SLC23A1: variants seen among roughly 807,000 people sequenced by gnomAD.
SLC23A1 encodes the protein solute carrier family 23 member 1.
In SLC23A1, 31 loss-of-function variants were observed where a neutral mutation model predicts 62.5. The ratio of observed to expected loss-of-function variants is 0.50; its 90% CI spans 0.37 to 0.67. SLC23A1 has a LOEUF of 0.67. SLC23A1 is among the 30% of genes least tolerant of loss of function. The pLI, the probability that SLC23A1 is intolerant of heterozygous loss-of-function variation, is 0.00. For synonymous variants in SLC23A1, 271 were observed against 313.2 expected (o/e 0.87, Z 1.42); for missense variants, 640 against 782.7 (o/e 0.82, Z 2.18).
At chr5:139,382,131 T>C in intron 2 of SLC23A1, 82 bp from the exon 3 acceptor site, 1 of 1,389,516 alleles carries the variant, frequency 7.2e-7, no homozygotes, top group Non-Finnish European at 9.8e-7. Flanking sequence ...TCCTCATGCC[T>C]GCCTCAGCGG....
intron 12 of SLC23A1, 123 bp downstream of exon 12, chr5:139,377,852 T>G (rs1758019387): frequency 1.1e-6 from 1 of 920,644 alleles, no homozygotes; most frequent in Non-Finnish European, 1.6e-6. Context: ...TCTCAGCTGC[T>G]GGTTGACACC....
upstream of SLC23A1, chr5:139,384,441 C>A (rs1322295992): frequency 3.1e-6 from 4 of 1,289,816 alleles, no homozygotes; most frequent in Non-Finnish European, 3.0e-6. Flanking sequence ...CAGCTTCATG[C>A]CACAGCACTG....
At chr5:139,382,444 C>G (rs1758318132) in intron 2 of SLC23A1, 48 bp downstream of exon 2, 1 of 1,111,078 alleles carries the variant, frequency 9.0e-7, no homozygotes, top group Non-Finnish European at 1.4e-6. Context: ...GGGCTGGAGT[C>G]CCCGGGGAGT....
At chr5:139,369,461 A>G (rs1170696131) in intron 14 of SLC23A1, 1 of 151,082 alleles carries the variant, frequency 6.6e-6, no homozygotes, top group Non-Finnish European at 1.5e-5. Flanking sequence ...CATATGACCA[A>G]TACCAACCCA....
chr5:139,380,751 T>C, intron 4 of SLC23A1, 47 bp downstream of exon 4: 1 of 1,480,282 alleles, frequency 6.8e-7, no homozygotes, highest in Non-Finnish European at 9.4e-7. Context: ...CCTCCAGGTC[T>C]CTGGGCCTCC....
At chr5:139,385,171 C>T (rs1439513145), upstream of SLC23A1, among the ~76,000 whole-genome samples, 2 of 152,184 alleles carry the variant, frequency 1.3e-5, no homozygotes, top group African/African-American at 4.8e-5. Flanking sequence ...ACATGGCTCT[C>T]GTGCAAAATA....
At chr5:139,380,437 C>T in intron 5 of SLC23A1, 48 bp from the exon 6 acceptor site, 1 of 1,609,426 alleles carries the variant, frequency 6.2e-7, no homozygotes, top group East Asian at 2.2e-5. Context: ...AGGTCATGAC[C>T]TGGCTGCTGC....
Position 139,379,166 on chromosome 5 carries a change from C to T in SLC23A1, c.1073+41G>A, listed in dbSNP as rs553576080. On this transcript the variant is annotated intron_variant, in intron 9 of 14. Coordinates refer to ENST00000348729, the MANE Select transcript of SLC23A1 (RefSeq NM_005847.5). This position sits in a 1 kb window ranked among gnomAD's most constrained non-coding sequence, Gnocchi z 4.7. ...GTTCCTGTGTGTGCTTCCTGGGTGGCGCCTGAGGAGATCAGATACTGAGGA... is the reference window on the plus strand; with the variant it reads ...GTTCCTGTGTGTGCTTCCTGGGTGGTGCCTGAGGAGATCAGATACTGAGGA... 1.5e-5 allele frequency: 24 copies of T among 1,607,014 alleles called. No homozygotes were observed. The highest frequency in any genetic ancestry group is 3.3e-4 in the Middle Eastern group (2 of 6,036).
intron 6 of SLC23A1, 29 bp downstream of exon 6, chr5:139,380,179 G>C (rs1352563206): frequency 6.4e-7 from 1 of 1,556,244 alleles, no homozygotes; most frequent in South Asian, 1.2e-5. Context: ...GCTGGGGCTG[G>C]GCAGGGATCA....
intron 14 of SLC23A1, chr5:139,369,049 T>G (rs1210462946): frequency 5.5e-6 from 2 of 361,842 alleles, no homozygotes; most frequent in East Asian, 9.4e-5. Context: ...ACCAGTCAAG[T>G]TGTGAACAAG....
chr5:139,367,925 C>A (rs1036731407), intron 14 of SLC23A1, among the ~76,000 whole-genome samples: 8 of 152,174 alleles, frequency 5.3e-5, no homozygotes, highest in Admixed American at 3.9e-4. Flanking sequence ...TAATTTAGGC[C>A]GGGTGCAGTG....
At chr5:139,369,235 G>A (rs1392997524) in intron 14 of SLC23A1, 1 of 153,722 alleles carries the variant, frequency 6.5e-6, no homozygotes, top group Non-Finnish European at 1.5e-5. Flanking sequence ...ATTTTCTGAA[G>A]GTCTGTTAGT....
chr5:139,380,724 C>T (rs1321844824), intron 4 of SLC23A1, 74 bp downstream of exon 4: 24 of 1,458,362 alleles, frequency 1.6e-5, no homozygotes, highest in Admixed American at 1.2e-4. Context: ...GGTGTTGACC[C>T]GGGACAGTTG....
intron 13 of SLC23A1, among the ~76,000 whole-genome samples, chr5:139,373,589 G>A (rs1280540289): frequency 6.6e-6 from 1 of 152,200 alleles, no homozygotes; most frequent in Non-Finnish European, 1.5e-5. Flanking sequence ...TATAAATCTA[G>A]CAGGAGTGGG....
At chr5:139,371,931 GC>G (rs1757690333) in intron 14 of SLC23A1, 55 bp downstream of exon 14, 1 of 1,356,494 alleles carries the variant, frequency 7.4e-7, no homozygotes, top group Non-Finnish European at 1.0e-6. Flanking sequence ...TTTGGTTAAA[GC>G]ATAAGAATGT....
chr5:139,374,744 C>T (rs569185981), intron 13 of SLC23A1, among the ~76,000 whole-genome samples: 3 of 152,144 alleles, frequency 2.0e-5, no homozygotes, highest in African/African-American at 7.2e-5. Flanking sequence ...TCAGGCAGTT[C>T]TGCAGCTGTT....
At chr5:139,371,648 T>TACA (rs1390464715) in intron 14 of SLC23A1, among the ~76,000 whole-genome samples, 1 of 152,176 alleles carries the variant, frequency 6.6e-6, no homozygotes, top group African/African-American at 2.4e-5. Context: ...CATACTGGAG[T>TACA]ACAAGAATGA....
intron 13 of SLC23A1, among the ~76,000 whole-genome samples, chr5:139,373,789 G>C: frequency 6.6e-6 from 1 of 152,152 alleles, no homozygotes; most frequent in Non-Finnish European, 1.5e-5. Flanking sequence ...AACCTTGATT[G>C]GGCTTGGCTG....
In SLC23A1 at chr5:139,379,484, G is replaced by T; in HGVS notation, c.926-130C>A. ...AGGCTGGGATGGGAGCTATACAGTTGTGGGAGCTTATTTGAGTCACTCAGA... is the reference window on the plus strand; with the variant it reads ...AGGCTGGGATGGGAGCTATACAGTTTTGGGAGCTTATTTGAGTCACTCAGA... On this transcript the variant is annotated intron_variant, in intron 8 of 14. Transcript: ENST00000348729. This position sits in a 1 kb window ranked among gnomAD's most constrained non-coding sequence, Gnocchi z 4.7. The T allele has an allele frequency of 9.3e-7, 1 of 1,073,180 alleles. No individual in the cohort carries two copies. Among genetic ancestry groups the T allele is most frequent in the Non-Finnish European group, 1.4e-6 (1 of 709,898 alleles). 66.5% of individuals were successfully genotyped at this position (1,073,180 alleles called of 1,614,324 possible).
Sources: allele counts gnomAD v4.1 joint callset (sites outside exome capture counted in the v4.1 genomes callset), GRCh38; gene constraint gnomAD v4.1.1; non-coding constraint Gnocchi (gnomAD v3.1); transcripts MANE v1.5; gene names NCBI Gene and HGNC (gene_info 2026-07-23, HGNC 2026-07-21).